RABGAP1L: variants seen among roughly 807,000 people sequenced by gnomAD.
RABGAP1L encodes the protein RAB GTPase activating protein 1 like.
RABGAP1L carries 63 observed loss-of-function variants against 137.7 expected under a neutral mutation model. The observed-to-expected ratio is 0.46, with a 90% CI of 0.37 to 0.56. The LOEUF is 0.56. Ranked by LOEUF, RABGAP1L falls within the 20% of genes least tolerant of loss-of-function variation. The pLI is 0.00. For synonymous variants in RABGAP1L, 431 were observed against 433.7 expected, an observed-to-expected ratio of 0.99 and a Z score of 0.08; for missense variants, 1,095 against 1,244.0, an observed-to-expected ratio of 0.88 and a Z score of 1.80.
At chr1:174,785,504 T>C (rs1354484997) in intron 18 of RABGAP1L, among the ~76,000 whole-genome samples, 1 of 152,244 alleles carries the variant, frequency 6.6e-6, no homozygotes, top group Non-Finnish European at 1.5e-5. Flanking sequence ...ATGCTATGGT[T>C]AGGCAATTTT....
chr1:174,506,518 T>C (rs1461194653), intron 13 of RABGAP1L, among the ~76,000 whole-genome samples: 2 of 152,178 alleles, frequency 1.3e-5, no homozygotes, highest in African/African-American at 2.4e-5. Flanking sequence ...AACAAGGAAC[T>C]GTTTGACAAG....
At chr1:174,891,177 G>A (rs1656077404) in intron 19 of RABGAP1L, among the ~76,000 whole-genome samples, 3 of 152,188 alleles carry the variant, frequency 2.0e-5, no homozygotes, top group African/African-American at 7.2e-5. Flanking sequence ...CAGATTGTCA[G>A]GGGACGGGAA....
chr1:174,961,654 G>A (rs1323351527), intron 20 of RABGAP1L, among the ~76,000 whole-genome samples: 1 of 151,876 alleles, frequency 6.6e-6, no homozygotes, highest in African/African-American at 2.4e-5. Flanking sequence ...AGACCAGCCT[G>A]GCCAACATGG....
At chr1:174,295,425 C>G (rs1267377310) in intron 10 of RABGAP1L, among the ~76,000 whole-genome samples, 1 of 151,878 alleles carries the variant, frequency 6.6e-6, no homozygotes, top group African/African-American at 2.4e-5. Flanking sequence ...ACTCTGTCAC[C>G]CAGGTCAGAG....
At chr1:174,307,004 C>T (rs1678330757) in intron 11 of RABGAP1L, among the ~76,000 whole-genome samples, 1 of 151,990 alleles carries the variant, frequency 6.6e-6, no homozygotes, top group Non-Finnish European at 1.5e-5. Flanking sequence ...TTATTTTTAG[C>T]TAATATTTAT....
At chr1:174,263,607 G>GA (rs1334414131) in intron 7 of RABGAP1L, among the ~76,000 whole-genome samples, 5 of 152,034 alleles carry the variant, frequency 3.3e-5, no homozygotes, top group South Asian at 2.1e-4. Context: ...TAATGGCAAG[G>GA]AAAAAACAAC....
At chr1:174,974,589 T>G (rs549266952) in intron 21 of RABGAP1L, among the ~76,000 whole-genome samples, 1 of 152,206 alleles carries the variant, frequency 6.6e-6, no homozygotes, top group Non-Finnish European at 1.5e-5. Context: ...GCTGTTAGAT[T>G]TTCCCCCCTA....
intron 19 of RABGAP1L, among the ~76,000 whole-genome samples, chr1:174,866,385 T>G (rs1651255550): frequency 6.6e-6 from 1 of 152,230 alleles, no homozygotes. Flanking sequence ...AAAATCTTTT[T>G]ATTATTTTAT....
At chr1:174,608,939 T>C (rs1415111922) in intron 13 of RABGAP1L, among the ~76,000 whole-genome samples, 2 of 152,190 alleles carry the variant, frequency 1.3e-5, no homozygotes, top group African/African-American at 4.8e-5. Flanking sequence ...ACTTAGACAA[T>C]ATATTGAATA....
chr1:174,803,874 A>G (rs1450346629), intron 18 of RABGAP1L, among the ~76,000 whole-genome samples: 1 of 151,978 alleles, frequency 6.6e-6, no homozygotes, highest in Non-Finnish European at 1.5e-5. Flanking sequence ...GGAGTTCAAG[A>G]CCAGCCTGGC....
At chr1:174,846,418 T>A (rs1157228361) in intron 19 of RABGAP1L, among the ~76,000 whole-genome samples, 1 of 151,536 alleles carries the variant, frequency 6.6e-6, no homozygotes, top group Non-Finnish European at 1.5e-5. Flanking sequence ...GAGATTCTGG[T>A]ATGTTGTGTC....
intron 11 of RABGAP1L, among the ~76,000 whole-genome samples, chr1:174,310,567 C>A (rs1678733064): frequency 6.6e-6 from 1 of 152,124 alleles, no homozygotes; most frequent in South Asian, 2.1e-4. Context: ...TTTTGTATTG[C>A]AGAATATCTC....
intron 13 of RABGAP1L, among the ~76,000 whole-genome samples, chr1:174,580,394 A>G (rs1668649440): frequency 6.6e-6 from 1 of 152,222 alleles, no homozygotes; most frequent in Non-Finnish European, 1.5e-5. Flanking sequence ...ATGTCCAACA[A>G]TGATAGACTG....
At chr1:174,921,739 T>C (rs1030919796) in intron 19 of RABGAP1L, among the ~76,000 whole-genome samples, 2 of 152,226 alleles carry the variant, frequency 1.3e-5, no homozygotes, top group African/African-American at 4.8e-5. Context: ...TTCTGAACCA[T>C]GTATTTATTT....
chr1:174,245,954 G>C (rs1284834054), intron 5 of RABGAP1L: 1 of 151,994 alleles, frequency 6.6e-6, no homozygotes, highest in Non-Finnish European at 1.5e-5. Context: ...ACATTTTCTT[G>C]ATATATGGTG....
At chr1:174,534,654 A>G (rs1425933873) in intron 13 of RABGAP1L, among the ~76,000 whole-genome samples, 1 of 151,528 alleles carries the variant, frequency 6.6e-6, no homozygotes, top group African/African-American at 2.4e-5. Flanking sequence ...ATGTACCTAT[A>G]ATCGCATCTA....
chr1:174,448,709 A>G lies in RABGAP1L; in HGVS notation c.1710+54564A>G. 1 of 1,614,088 alleles carries G rather than the reference A, an allele frequency of 6.2e-7. No homozygotes were observed. The highest frequency in any genetic ancestry group is 8.5e-7 in the Non-Finnish European group (1 of 1,179,962). The stretch of plus-strand genomic sequence containing the variant: ...ATGGTGTGCCACGTCTTGGCTCACC[A>G]GTGCCTATTTTACTGGCTTTATTGT... On this transcript the variant is annotated intron_variant, in intron 13 of 25. Coordinates refer to ENST00000681986, the MANE Select transcript of RABGAP1L (RefSeq NM_001366446.1). The surrounding 1 kb of genome is among the most constrained non-coding windows in gnomAD (Gnocchi z 4.2).
intron 19 of RABGAP1L, chr1:174,948,649 C>T (rs1027159176): frequency 6.6e-6 from 1 of 151,792 alleles, no homozygotes; most frequent in African/African-American, 2.4e-5. Flanking sequence ...TCTCTTGTAC[C>T]CCATATATAG....
chr1:174,658,914 A>T (rs1398070356), intron 14 of RABGAP1L, among the ~76,000 whole-genome samples: 1 of 152,236 alleles, frequency 6.6e-6, no homozygotes. Context: ...GGTACACAAA[A>T]CTGGTAAACA....
Sources: gnomAD v4.1 joint callset for allele counts (sites outside exome capture counted in the v4.1 genomes callset) on GRCh38, gnomAD v4.1.1 for gene constraint, Gnocchi (gnomAD v3.1) non-coding constraint, MANE v1.5 for transcripts, NCBI Gene and HGNC (gene_info 2026-07-23, HGNC 2026-07-21) for gene names.